Variants in PRKCB observed in about 807,000 individuals in gnomAD.
PRKCB encodes the protein protein kinase C beta type.
In PRKCB, 13 loss-of-function variants were observed where a neutral mutation model predicts 81.5. The ratio of observed to expected loss-of-function variants is 0.16; its 90% CI spans 0.10 to 0.25. PRKCB has a LOEUF of 0.25. PRKCB is among the 10% of genes least tolerant of loss of function. The probability of loss-of-function intolerance (pLI) is 1.00; values close to 1 mark genes in which losing one functional copy is unlikely to be tolerated. For missense variants in PRKCB, 509 were observed against 875.7 expected, an observed-to-expected ratio of 0.58 and a Z score of 5.29; for synonymous variants, 335 against 321.4, an observed-to-expected ratio of 1.04 and a Z score of -0.45.
chr16:24,116,105 TTTGAG>T (rs1319465201), intron 8 of PRKCB, among the ~76,000 whole-genome samples: 1 of 152,212 alleles, frequency 6.6e-6, no homozygotes, highest in African/African-American at 2.4e-5. Flanking sequence ...GTTACGGGGC[TTTGAG>T]TTCTAGGGCT....
chr16:24,144,367 C>T (rs1461234806), intron 9 of PRKCB, among the ~76,000 whole-genome samples: 5 of 152,150 alleles, frequency 3.3e-5, no homozygotes, highest in South Asian at 2.1e-4. Flanking sequence ...GATGATCTCT[C>T]GGCTCACTGC....
intron 9 of PRKCB, among the ~76,000 whole-genome samples, chr16:24,143,854 C>CT (rs1018519009): frequency 6.6e-6 from 1 of 152,182 alleles, no homozygotes; most frequent in African/African-American, 2.4e-5. Flanking sequence ...GTTAGTCAAG[C>CT]TTGCAGACTG....
At chr16:24,009,222 G>C (rs62029623) in intron 3 of PRKCB, among the ~76,000 whole-genome samples, 13 of 152,052 alleles carry the variant, frequency 8.5e-5, no homozygotes, top group Admixed American at 7.9e-4. Context: ...CAGAGGTGAG[G>C]GTGCTGAATC....
chr16:24,054,287 T>C (rs560747101), intron 5 of PRKCB, among the ~76,000 whole-genome samples: 3 of 152,364 alleles, frequency 2.0e-5, no homozygotes, highest in African/African-American at 4.8e-5. Flanking sequence ...ATTTAAGTTA[T>C]GTATTTGCAA....
chr16:24,064,551 G>A (rs532245588), intron 5 of PRKCB, among the ~76,000 whole-genome samples: 2 of 152,230 alleles, frequency 1.3e-5, no homozygotes, highest in Admixed American at 6.5e-5. Context: ...TATGTATCCT[G>A]TGTTTGTTGG....
At position 24,205,286 on chromosome 16, in the gene PRKCB, G is replaced by A. The variant is rs114417749; in HGVS notation, c.1864-9372G>A. On this transcript the variant is annotated intron_variant, in intron 16 of 16. Coordinates refer to ENST00000643927, the MANE Select transcript of PRKCB (RefSeq NM_002738.7). ...CGTGCCTCAGCCTCTTGAACAGCTG[G>A]GACCACAGGCATGCACCACCATGCC... is the stretch of plus-strand genomic sequence containing the variant. Among the ~76,000 whole-genome samples the A allele has an allele frequency of 7.4e-3, 1,121 of 151,534 alleles. 14 individuals are homozygous for A. Among genetic ancestry groups the A allele is most frequent in the African/African-American group, 0.026 (1,064 of 41,296 alleles).
intron 5 of PRKCB, among the ~76,000 whole-genome samples, chr16:24,092,375 G>A (rs1289027919): frequency 1.3e-5 from 2 of 152,206 alleles, no homozygotes; most frequent in Non-Finnish European, 2.9e-5. Flanking sequence ...ACTGCTGAAT[G>A]GATAAACAAA....
chr16:24,126,586 A>T (rs565314827), intron 9 of PRKCB, among the ~76,000 whole-genome samples: 361 of 152,128 alleles, frequency 2.4e-3, no homozygotes, highest in Middle Eastern at 6.8e-3. Context: ...TGTTTTTTTG[A>T]ATCAGAATCT....
At chr16:23,875,748 A>ACACATATATATGTATGTATAT (rs10664786) in intron 2 of PRKCB, among the ~76,000 whole-genome samples, 4,614 of 50,678 alleles carry the variant, frequency 0.091, 244 homozygotes, top group South Asian at 0.19. Flanking sequence ...TATGTATATC[A>ACACATATATATGTATGTATAT]CACATATATG....
intron 5 of PRKCB, among the ~76,000 whole-genome samples, chr16:24,061,910 TAAAAAAAAAAA>T (rs1210402981): frequency 1.1e-5 from 1 of 93,760 alleles, no homozygotes. Flanking sequence ...CTTAAATAAA[TAAAAAAAAAAA>T]AAAAAAAAAA....
intron 3 of PRKCB, among the ~76,000 whole-genome samples, chr16:23,992,437 C>A (rs969903982): frequency 6.6e-6 from 1 of 152,178 alleles, no homozygotes; most frequent in Non-Finnish European, 1.5e-5. Flanking sequence ...TATAGAGATA[C>A]ACAAATCATC....
At chr16:23,854,758 A>G (rs755450690) in intron 2 of PRKCB, among the ~76,000 whole-genome samples, 26 of 81,820 alleles carry the variant, frequency 3.2e-4, no homozygotes, top group Non-Finnish European at 6.4e-4. Context: ...AGAAGCTGCA[A>G]ATAATTTGTG....
At chr16:23,873,865 T>G (rs1962952471) in intron 2 of PRKCB, among the ~76,000 whole-genome samples, 1 of 152,158 alleles carries the variant, frequency 6.6e-6, no homozygotes, top group Non-Finnish European at 1.5e-5. Flanking sequence ...AAATATACAC[T>G]CCTACTCAGT....
intron 2 of PRKCB, among the ~76,000 whole-genome samples, chr16:23,967,585 G>A (rs1240485986): frequency 6.6e-6 from 1 of 152,156 alleles, no homozygotes; most frequent in Non-Finnish European, 1.5e-5. Flanking sequence ...AGGCAGTGGT[G>A]AAATTCCTTG....
chr16:23,873,127 A>C (rs3785400), intron 2 of PRKCB, among the ~76,000 whole-genome samples: 106,024 of 144,306 alleles, frequency 0.73, 39,282 homozygotes, highest in East Asian at 0.95. Flanking sequence ...CAGGAGTCCA[A>C]GACCAGGCTG....
At chr16:24,199,313 T>G (rs1967922793) in intron 16 of PRKCB, among the ~76,000 whole-genome samples, 1 of 152,216 alleles carries the variant, frequency 6.6e-6, no homozygotes, top group Non-Finnish European at 1.5e-5. Flanking sequence ...AAGCTTCAAG[T>G]ACTGCTTTAA....
At chr16:24,094,377 CA>C (rs1248476452) in intron 7 of PRKCB, 80 bp downstream of exon 7, 1 of 1,528,408 alleles carries the variant, frequency 6.5e-7, no homozygotes, top group Non-Finnish European at 8.9e-7. Context: ...CCTTTTTCTC[CA>C]AAAATTGAAA....
chr16:24,132,671 G>A (rs1192401110), intron 9 of PRKCB, among the ~76,000 whole-genome samples: 1 of 152,112 alleles, frequency 6.6e-6, no homozygotes, highest in Non-Finnish European at 1.5e-5. Flanking sequence ...TACAGATGAG[G>A]AGAGTGAGAT....
intron 16 of PRKCB, among the ~76,000 whole-genome samples, chr16:24,204,935 C>T (rs933220880): frequency 1.3e-5 from 2 of 151,886 alleles, no homozygotes; most frequent in African/African-American, 4.8e-5. Flanking sequence ...GCCTAGCCAA[C>T]ATAGTGAAAC....
Sources: gnomAD v4.1 joint callset for allele counts (sites outside exome capture counted in the v4.1 genomes callset) on GRCh38, gnomAD v4.1.1 for gene constraint, MANE v1.5 for transcripts, NCBI Gene and HGNC (gene_info 2026-07-23, HGNC 2026-07-21) for gene names.